CCNJL: variants seen among roughly 807,000 people sequenced by gnomAD.
CCNJL encodes the protein cyclin J like.
A neutral mutation model predicts 33.4 loss-of-function variants in CCNJL; 33 were observed. The ratio of observed to expected loss-of-function variants is 0.99; its 90% CI spans 0.75 to 1.32. The LOEUF is 1.32. CCNJL is among the 40% of genes most tolerant of loss of function. CCNJL has a pLI of 0.00. For synonymous variants in CCNJL, 227 were observed against 220.9 expected (o/e 1.03, Z -0.24); for missense variants, 512 against 499.7 (o/e 1.02, Z -0.23).
At chr5:160,335,745 T>G (rs1241175720) in intron 1 of CCNJL, among the ~76,000 whole-genome samples, 6 of 120,888 alleles carry the variant, frequency 5.0e-5, no homozygotes, top group South Asian at 2.9e-4. Context: ...TTTTTTTTTT[T>G]GAAATTTTTT....
At chr5:160,262,469 G>C (rs1028856576) in intron 3 of CCNJL, among the ~76,000 whole-genome samples, 1 of 152,228 alleles carries the variant, frequency 6.6e-6, no homozygotes, top group South Asian at 2.1e-4. Flanking sequence ...TCAGGAGTTT[G>C]CCCTGGACCT....
rs377290090 is a variant in CCNJL, at chr5:160,250,231, G to GT, written c.*3146dup. The GT allele has an allele frequency of 2.6e-4, 39 of 152,344 alleles. No homozygotes were observed. The highest frequency in any genetic ancestry group is 9.4e-4 in the African/African-American group (39 of 41,574). 9.4% of individuals were successfully genotyped at this position (152,344 alleles called of 1,614,324 possible). A position where few individuals can be genotyped will look rare whatever the true frequency, so the allele number is the denominator to read the frequency against. On this transcript the variant is annotated 3_prime_UTR_variant, in exon 6 of 6. Transcript: ENST00000257536. ...ATCCACCAACTTGACCATCTCCATA[G>GT]TAACAGATGGAGAAATGGAAGCCCA...
chr5:160,312,671 C>T (rs1763315577), upstream of CCNJL: 1 of 151,836 alleles, frequency 6.6e-6, no homozygotes, highest in Non-Finnish European at 1.5e-5. Context: ...GGAATTGGAG[C>T]CTTTCTTTGC....
At position 160,253,442 on chromosome 5, in the gene CCNJL, G is replaced by T. The variant is rs371210198; in HGVS notation, c.1100C>A (p.Thr367Asn). The change falls in exon 6 of 6, where the codon ACC becomes AAC. Residue 367 changes from threonine to asparagine, a missense_variant. Transcript: ENST00000257536. ...IAAEPRHCLATTYGSSYFSGS... is the reference protein window; with the variant it reads ...IAAEPRHCLANTYGSSYFSGS... ...ACTGAAGTAGCTGCTTCCATAGGTG[G>T]TGGCGAGGCAGTGCCTGGGCTCAGC... 1.2e-6 allele frequency: 2 copies of T among 1,610,782 alleles called. No homozygotes were observed. Among genetic ancestry groups the T allele is most frequent in the Non-Finnish European group, 1.7e-6 (2 of 1,177,924 alleles).
chr5:160,258,153 TG>T (rs972983283), intron 4 of CCNJL: 1 of 400,686 alleles, frequency 2.5e-6, no homozygotes, highest in South Asian at 2.6e-5. Flanking sequence ...GTCCAATCAT[TG>T]ATCTGGATAC....
At chr5:160,287,358 C>T (rs1762438930) in intron 2 of CCNJL, among the ~76,000 whole-genome samples, 1 of 152,220 alleles carries the variant, frequency 6.6e-6, no homozygotes, top group East Asian at 1.9e-4. Flanking sequence ...TACCTTTGAG[C>T]TGAGGTGCCT....
rs149895509 is a variant in CCNJL at position 160,273,610 on chromosome 5, C to T, written c.280+6915G>A. On this transcript the variant is annotated intron_variant, in intron 3 of 5. Coordinates refer to ENST00000257536, the MANE Select transcript of CCNJL (RefSeq NM_001308173.3). ...TCCATATGGGACACACAGCTCTGTG[C>T]GTGTTTGCAAAGCACCACGAAAGTG... 7.5e-3 allele frequency among the ~76,000 whole-genome samples: 1,099 copies of T among 147,360 alleles called. 9 individuals carry two copies. Among genetic ancestry groups the T allele is most frequent in the African/African-American group, 0.024 (960 of 39,688 alleles).
At chr5:160,298,404 T>C (rs562441753) in intron 2 of CCNJL, among the ~76,000 whole-genome samples, 134 of 151,696 alleles carry the variant, frequency 8.8e-4, no homozygotes, top group Admixed American at 1.4e-3. Flanking sequence ...GGAAGGCAAT[T>C]TGCGGGCTGC....
At chr5:160,317,143 G>C (rs1763389145), upstream of CCNJL, among the ~76,000 whole-genome samples, 1 of 152,176 alleles carries the variant, frequency 6.6e-6, no homozygotes, top group Non-Finnish European at 1.5e-5. Flanking sequence ...GCCTTTAAAT[G>C]ATTTTTAATC....
intron 2 of CCNJL, among the ~76,000 whole-genome samples, chr5:160,299,396 C>T (rs951681751): frequency 1.3e-5 from 2 of 151,996 alleles, no homozygotes; most frequent in African/African-American, 4.8e-5. Context: ...AGGTGATCCA[C>T]CCACCTCGGC....
intron 1 of CCNJL, among the ~76,000 whole-genome samples, chr5:160,334,633 C>T (rs72814337): frequency 0.075 from 11,384 of 152,224 alleles, 498 homozygotes; most frequent in Middle Eastern, 0.14. Context: ...AGAACAGAAC[C>T]GGCAATTCAG....
intron 3 of CCNJL, among the ~76,000 whole-genome samples, chr5:160,268,428 T>G (rs1208439458): frequency 6.6e-6 from 1 of 152,192 alleles, no homozygotes; most frequent in Admixed American, 6.5e-5. Flanking sequence ...AGAATTGTGG[T>G]GAGGGTGACA....
intron 1 of CCNJL, among the ~76,000 whole-genome samples, chr5:160,330,729 T>C (rs1032038186): frequency 1.3e-5 from 2 of 151,846 alleles, no homozygotes; most frequent in African/African-American, 4.8e-5. Context: ...AGTGGTGCGG[T>C]CTCGGCTAAC....
intron 2 of CCNJL, among the ~76,000 whole-genome samples, chr5:160,301,374 C>CT (rs1246743143): frequency 2.0e-5 from 3 of 151,800 alleles, no homozygotes; most frequent in African/African-American, 7.3e-5. Flanking sequence ...CAGTGATTGC[C>CT]TAAGGCTGGG....
chr5:160,264,264 CT>C (rs1761477124), intron 3 of CCNJL, among the ~76,000 whole-genome samples: 1 of 152,084 alleles, frequency 6.6e-6, no homozygotes, highest in Non-Finnish European at 1.5e-5. Flanking sequence ...CATTCTAAAC[CT>C]AGTGAAGCAC....
rs1760913458 is a variant in CCNJL, at chr5:160,253,653, G to T, written c.889C>A (p.Gln297Lys). 6.2e-7 allele frequency: 1 copy of T among 1,610,472 alleles called. No homozygotes were observed. Among genetic ancestry groups the T allele is most frequent in the South Asian group, 1.1e-5 (1 of 90,820 alleles). Reference sequence around the variant, plus strand: ...AGGTCCTGCACGGGGGTCTGGAACTGTGCCAGGGTGGTCGCTGGCTGGCCG... The same window carrying T: ...AGGTCCTGCACGGGGGTCTGGAACTTTGCCAGGGTGGTCGCTGGCTGGCCG... ...ALGQPATTLAQFQTPVQDLCL... is the reference protein window; with the variant it reads ...ALGQPATTLAKFQTPVQDLCL... Residue 297 changes from glutamine (Q) to lysine (K), a missense_variant, in exon 6 of 6, where the codon CAG (glutamine) becomes AAG (lysine). By Grantham distance (53) the Gln-to-Lys change is moderately conservative. Coordinates refer to ENST00000257536, the MANE Select transcript of CCNJL (RefSeq NM_001308173.3).
intron 2 of CCNJL, among the ~76,000 whole-genome samples, chr5:160,297,160 A>G (rs747412406): frequency 4.6e-5 from 7 of 152,218 alleles, no homozygotes; most frequent in Admixed American, 1.3e-4. Context: ...TGATATGACT[A>G]TATCTTCAGC....
intron 2 of CCNJL, among the ~76,000 whole-genome samples, chr5:160,285,309 C>T (rs1326048509): frequency 1.3e-5 from 2 of 152,196 alleles, no homozygotes; most frequent in East Asian, 3.8e-4. Flanking sequence ...TATGCAGCCA[C>T]CATGGAGTTC....
chr5:160,263,630 T>A (rs1761443026), intron 3 of CCNJL, among the ~76,000 whole-genome samples: 1 of 151,924 alleles, frequency 6.6e-6, no homozygotes, highest in South Asian at 2.1e-4. Flanking sequence ...ATAGCAGGAG[T>A]CCTAGGAAAC....
Sources: gnomAD v4.1 joint callset for allele counts (sites outside exome capture counted in the v4.1 genomes callset) on GRCh38, gnomAD v4.1.1 for gene constraint, MANE v1.5 for transcripts, NCBI Gene and HGNC (gene_info 2026-07-23, HGNC 2026-07-21) for gene names.